The following GSG1L variants were observed in gnomAD, a reference collection of about 807,000 sequenced individuals.
GSG1L encodes the protein germ cell-specific gene 1-like protein.
In GSG1L, 24 loss-of-function variants were observed where a neutral mutation model predicts 42.1. The observed-to-expected ratio is 0.57, with a 90% CI of 0.41 to 0.80. The LOEUF (loss-of-function observed/expected upper bound fraction) is 0.80. Among genes scored for constraint, GSG1L ranks in the 30% least tolerant of loss-of-function variants. GSG1L has a pLI of 0.00. For missense variants in GSG1L, 445 were observed against 472.2 expected (o/e 0.94, Z 0.53); for synonymous variants, 215 against 203.5 (o/e 1.06, Z -0.48).
At chr16:27,820,268 A>G (rs1023225819) in intron 5 of GSG1L, among the ~76,000 whole-genome samples, 3 of 152,182 alleles carry the variant, frequency 2.0e-5, no homozygotes, top group Non-Finnish European at 2.9e-5. Context: ...CCACGTGGCC[A>G]TGGAGGATGA....
At chr16:27,919,551 G>A (rs1383675432) in intron 2 of GSG1L, among the ~76,000 whole-genome samples, 1 of 152,202 alleles carries the variant, frequency 6.6e-6, no homozygotes, top group Non-Finnish European at 1.5e-5. Flanking sequence ...GAGAAGGAGA[G>A]CTCCATTTTT....
rs1254084463 is a variant in GSG1L, at chr16:27,856,442, TAG to T, written c.551-11383_551-11382del. Among the ~76,000 whole-genome samples, 8 of 152,174 alleles carry T rather than the reference TAG, an allele frequency of 5.3e-5. No homozygotes were observed. The South Asian group carries it at 8.3e-4, about 16-fold the overall frequency. ...GAGCCCCCCACCTCAGCCTCCTGAG[TAG>T]CTGGGACCACAAGGTGCTCACCACC... is the stretch of plus-strand genomic sequence containing the variant. On this transcript the variant is annotated intron_variant, in intron 3 of 6. Coordinates refer to ENST00000447459, the MANE Select transcript of GSG1L (RefSeq NM_001109763.2).
intron 2 of GSG1L, among the ~76,000 whole-genome samples, chr16:27,895,718 C>T (rs111322004): frequency 3.3e-5 from 5 of 152,130 alleles, no homozygotes; most frequent in Admixed American, 6.5e-5. Context: ...CCAGAGAGGG[C>T]GAGTGAGTTG....
rs527653590 is a variant in GSG1L at position 27,839,294 on chromosome 16, C to T, written c.662+5656G>A. ...CTACTCTCTTGCTGTGTGACATGGG[C>T]CAAACTGCATAACTTCTCTGGGCCC... is the stretch of plus-strand genomic sequence containing the variant. On this transcript the variant is annotated intron_variant, in intron 4 of 6. Transcript: ENST00000447459. Among the ~76,000 whole-genome samples, 423 of 152,304 alleles carry T rather than the reference C, an allele frequency of 2.8e-3. 3 individuals are homozygous for T. The highest frequency in any genetic ancestry group is 9.3e-3 in the African/African-American group (388 of 41,562).
At position 28,040,490 on chromosome 16, in the gene GSG1L, T is replaced by G. The variant is rs2086093562; in HGVS notation, c.349+22586A>C. On this transcript the variant is annotated intron_variant, in intron 1 of 6. Transcript: ENST00000447459. The surrounding 1 kb of genome is among the most constrained non-coding windows in gnomAD (Gnocchi z 4.1). ...AATTCGGAAGAGTAGAGACCCCATC[T>G]TGTTCACCACTGTATTCTCAACATC... is the stretch of plus-strand genomic sequence containing the variant. Among the ~76,000 whole-genome samples, 1 of 152,212 alleles carries G rather than the reference T, an allele frequency of 6.6e-6. No individual in the cohort carries two copies. The highest frequency in any genetic ancestry group is 1.5e-5 in the Non-Finnish European group (1 of 68,034).
intron 6 of GSG1L, among the ~76,000 whole-genome samples, chr16:27,792,655 C>G (rs1232259532): frequency 6.6e-6 from 1 of 152,156 alleles, no homozygotes; most frequent in Non-Finnish European, 1.5e-5. Context: ...CCAGAGCACC[C>G]ACCCTCAGCG....
At chr16:27,920,564 G>C (rs188393774) in intron 2 of GSG1L, among the ~76,000 whole-genome samples, 1 of 152,176 alleles carries the variant, frequency 6.6e-6, no homozygotes, top group Non-Finnish European at 1.5e-5. Context: ...CAAAATAGGA[G>C]TGAGACATGT....
chr16:27,836,585 T>C (rs546885883), intron 4 of GSG1L, among the ~76,000 whole-genome samples: 1 of 152,328 alleles, frequency 6.6e-6, no homozygotes, highest in Admixed American at 6.5e-5. Flanking sequence ...TAATTTCTAT[T>C]GTCCTATCTT....
intron 1 of GSG1L, among the ~76,000 whole-genome samples, chr16:27,988,761 A>AG (rs2085417409): frequency 6.6e-6 from 1 of 151,392 alleles, no homozygotes; most frequent in African/African-American, 2.4e-5. Context: ...AAGAAAAAAA[A>AG]AAAAAGGAGA....
intron 2 of GSG1L, among the ~76,000 whole-genome samples, chr16:27,925,715 C>A (rs527689213): frequency 1.3e-5 from 2 of 152,258 alleles, no homozygotes; most frequent in South Asian, 4.1e-4. Context: ...GTGAGCTTCA[C>A]GGAACCAGTA....
chr16:27,946,199 C>A (rs1227402228), intron 2 of GSG1L, among the ~76,000 whole-genome samples: 1 of 152,184 alleles, frequency 6.6e-6, no homozygotes, highest in African/African-American at 2.4e-5. Flanking sequence ...AGCTGCCCGG[C>A]CACTCTGGTG....
At chr16:27,878,634 A>T (rs1169959732) in intron 3 of GSG1L, among the ~76,000 whole-genome samples, 1 of 152,156 alleles carries the variant, frequency 6.6e-6, no homozygotes, top group Non-Finnish European at 1.5e-5. Flanking sequence ...ACAGGGTCTC[A>T]CTATGTTGCC....
chr16:27,863,483 C>T (rs911641192), intron 3 of GSG1L: 5 of 152,126 alleles, frequency 3.3e-5, no homozygotes, highest in African/African-American at 1.2e-4. Flanking sequence ...AAGTGTGCCT[C>T]TTGTATGGTT....
intron 3 of GSG1L, among the ~76,000 whole-genome samples, chr16:27,851,709 A>G (rs2083516987): frequency 6.6e-6 from 1 of 152,194 alleles, no homozygotes. Flanking sequence ...TCATGAATTT[A>G]AAGTGAGCCC....
At chr16:27,991,430 G>C (rs2085454803) in intron 1 of GSG1L, among the ~76,000 whole-genome samples, 3 of 151,078 alleles carry the variant, frequency 2.0e-5, no homozygotes, top group African/African-American at 4.9e-5. Context: ...TTTTGAGATG[G>C]AGTCTCACTC....
intron 3 of GSG1L, chr16:27,850,743 G>T (rs1265058366): frequency 3.0e-6 from 1 of 335,510 alleles, no homozygotes; most frequent in Non-Finnish European, 5.9e-6. Flanking sequence ...GCTCAGGAAG[G>T]CATTTTATTT....
chr16:28,036,157 T>C (rs930406418), intron 1 of GSG1L, among the ~76,000 whole-genome samples: 1 of 152,020 alleles, frequency 6.6e-6, no homozygotes, highest in Non-Finnish European at 1.5e-5. Flanking sequence ...TACAAAATGG[T>C]TTAAAGATTC....
intron 1 of GSG1L, among the ~76,000 whole-genome samples, chr16:28,014,650 C>G (rs566918187): frequency 2.2e-5 from 3 of 137,956 alleles, no homozygotes; most frequent in Admixed American, 8.5e-5. Flanking sequence ...ACTACAGGCA[C>G]GCTATTTTTT....
chr16:27,919,970 C>T (rs1391679556), intron 2 of GSG1L, among the ~76,000 whole-genome samples: 3 of 152,226 alleles, frequency 2.0e-5, no homozygotes, highest in Non-Finnish European at 4.4e-5. Context: ...TGCCAAATGG[C>T]ATGTTCCGAA....
Sources: gnomAD v4.1 joint callset for allele counts (sites outside exome capture counted in the v4.1 genomes callset) on GRCh38, gnomAD v4.1.1 for gene constraint, Gnocchi (gnomAD v3.1) non-coding constraint, MANE v1.5 for transcripts, NCBI Gene and HGNC (gene_info 2026-07-23, HGNC 2026-07-21) for gene names.